The following CD79B variants were observed in gnomAD, a reference collection of about 807,000 sequenced individuals.
CD79B encodes B-cell antigen receptor complex-associated protein beta chain.
A neutral mutation model predicts 30.0 loss-of-function variants in CD79B; 7 were observed. The ratio of observed to expected loss-of-function variants is 0.23; its 90% CI spans 0.13 to 0.44. The LOEUF (loss-of-function observed/expected upper bound fraction) is 0.44. CD79B is among the 20% of genes least tolerant of loss of function. The pLI, the probability that CD79B is intolerant of heterozygous loss-of-function variation, is 1.00. For synonymous variants in CD79B, 118 were observed against 119.2 expected (o/e 0.99, Z 0.07); for missense variants, 218 against 299.1 (o/e 0.73, Z 2.00).
intron 2 of CD79B, chr17:63,931,071 A>G: frequency 1.9e-6 from 1 of 528,292 alleles, no homozygotes; most frequent in East Asian, 3.4e-5. Flanking sequence ...GTCCTAGAGG[A>G]ACCCCCAGGC....
At chr17:63,931,229 A>G in intron 2 of CD79B, 106 bp downstream of exon 2, 2 of 1,101,666 alleles carry the variant, frequency 1.8e-6, no homozygotes, top group Non-Finnish European at 2.8e-6. Context: ...TGGGGAGATC[A>G]GGCAAGGGTG....
rs772302337 is a variant in CD79B at position 63,929,759 on chromosome 17, C to T, written c.549+11G>A. On this transcript the variant is annotated intron_variant, in intron 4 of 5. Transcript: ENST00000006750. Reference sequence around the variant, plus strand: ...TGCGGTCCCCCAAGGCTTCCCCCGTCCCCTGATCACCTTGTCCAGCAGCAG... The same window carrying T: ...TGCGGTCCCCCAAGGCTTCCCCCGTTCCCTGATCACCTTGTCCAGCAGCAG... 1 of 1,587,238 alleles carries T rather than the reference C, an allele frequency of 6.3e-7. No homozygotes were observed. Among genetic ancestry groups the T allele is most frequent in the East Asian group, 2.2e-5 (1 of 44,802 alleles).
rs1430395843 is a variant in CD79B, at chr17:63,931,520, C to A, written c.68-135G>T. The A allele has an allele frequency of 1.5e-5, 12 of 786,866 alleles. No individual in the cohort carries two copies. In the Admixed American group the frequency reaches 2.5e-4, roughly 16 times the overall value. 48.7% of individuals were successfully genotyped at this position (786,866 alleles called of 1,614,324 possible). A position where few individuals can be genotyped will look rare whatever the true frequency, so the allele number is the denominator to read the frequency against. On this transcript the variant is annotated intron_variant, in intron 1 of 5. Coordinates refer to ENST00000006750, the MANE Select transcript of CD79B (RefSeq NM_000626.4). The stretch of plus-strand genomic sequence containing the variant: ...AGCAGCTTCAAGACCCCTCGGTCCT[C>A]CCTGCCCCCAGTACTTGGGAGACAG...
intron 2 of CD79B, chr17:63,930,825 C>T (rs1908078285): frequency 6.5e-6 from 2 of 308,614 alleles, no homozygotes; most frequent in Admixed American, 4.7e-5. Context: ...CCTAGTCTGT[C>T]AACTGAGACC....
intron 4 of CD79B, 22 bp from the exon 5 acceptor site, chr17:63,929,497 G>A (rs185145519): frequency 6.2e-7 from 1 of 1,613,436 alleles, no homozygotes; most frequent in African/African-American, 1.3e-5. Context: ...GAGGGATGGA[G>A]ATCAGAGTGT....
chr17:63,929,895 G>C lies in CD79B; in HGVS notation c.431-7C>G, dbSNP rs1433362184. The C allele has an allele frequency of 2.5e-6, 4 of 1,604,314 alleles. No individual in the cohort carries two copies. Among genetic ancestry groups the C allele is most frequent in the South Asian group, 1.1e-5 (1 of 90,914 alleles). On this transcript the variant is annotated splice_region_variant and splice_polypyrimidine_tract_variant and intron_variant, in intron 3 of 5. Coordinates refer to ENST00000006750, the MANE Select transcript of CD79B (RefSeq NM_000626.4). ...TGTGCCAAGGTGCTGAATCCTGCGG[G>C]GACAGGGGTGGGGTTGTGAGCCTGG...
rs945928843 is a variant in CD79B at position 63,928,870 on chromosome 17, C to T, written c.*356G>A. On this transcript the variant is annotated 3_prime_UTR_variant, in exon 6 of 6. Transcript: ENST00000006750. ...TTCTGGGGCCCAGTTGGGTCCATGG[C>T]CCTTCCCAAGCTCTGCTGGGAGGCC... 8 of 433,318 alleles carry T rather than the reference C, an allele frequency of 1.8e-5. No individual in the cohort carries two copies. The highest frequency in any genetic ancestry group is 3.6e-5 in the Admixed American group (1 of 27,942). The allele number at this position is 433,318 out of a possible 1,614,324, so 26.8% of individuals were successfully genotyped here. A position where few individuals can be genotyped will look rare whatever the true frequency, so the allele number is the denominator to read the frequency against.
In CD79B at chr17:63,928,831, T is replaced by A. The variant is rs913066931; in HGVS notation, c.*395A>T. On this transcript the variant is annotated 3_prime_UTR_variant, in exon 6 of 6. Coordinates refer to ENST00000006750, the MANE Select transcript of CD79B (RefSeq NM_000626.4). ...GGGAGTGGTTGCGGGAGAGGAATGA[T>A]GTTCCTGTGGCTCTTCTGGGGCCCA... is the stretch of plus-strand genomic sequence containing the variant. 9.9e-5 allele frequency: 38 copies of A among 383,786 alleles called. No individual in the cohort carries two copies. The Admixed American group carries it at 1.1e-3, about 11-fold the overall frequency. The allele number at this position is 383,786 out of a possible 1,614,324, so 23.8% of individuals were successfully genotyped here. A position where few individuals can be genotyped will look rare whatever the true frequency, so the allele number is the denominator to read the frequency against.
At chr17:63,931,006 T>TGGAGG (rs1013187076) in intron 2 of CD79B, 1 of 423,196 alleles carries the variant, frequency 2.4e-6, no homozygotes, top group African/African-American at 2.0e-5. Flanking sequence ...GACCCTGCAC[T>TGGAGG]GGAGGGCTCA....
At chr17:63,931,004 A>T (rs1282417158) in intron 2 of CD79B, 4 of 420,070 alleles carry the variant, frequency 9.5e-6, no homozygotes, top group African/African-American at 6.1e-5. Context: ...GTGACCCTGC[A>T]CTGGAGGGCT....
Position 63,929,174 on chromosome 17 carries a change from G to T in CD79B, c.*52C>A. On this transcript the variant is annotated 3_prime_UTR_variant, in exon 6 of 6. Coordinates refer to ENST00000006750, the MANE Select transcript of CD79B (RefSeq NM_000626.4). ...GGGCCATGAGCCAGGCAGCTCCGAAGCAGTCACTGAGGCCAGGGAGCCTGC... is the reference window on the plus strand; with the variant it reads ...GGGCCATGAGCCAGGCAGCTCCGAATCAGTCACTGAGGCCAGGGAGCCTGC... 8.1e-7 allele frequency: 1 copy of T among 1,229,132 alleles called. No homozygotes were observed. Among genetic ancestry groups the T allele is most frequent in the Non-Finnish European group, 1.2e-6 (1 of 829,656 alleles). 76.1% of individuals were successfully genotyped at this position (1,229,132 alleles called of 1,614,324 possible).
chr17:63,929,705 A>G, intron 4 of CD79B, 65 bp downstream of exon 4: 1 of 1,199,072 alleles, frequency 8.3e-7, no homozygotes, highest in South Asian at 1.2e-5. Context: ...GAGACCCTGC[A>G]TATGCCTGGC....
Position 63,932,315 on chromosome 17 carries a change from G to A in CD79B, c.-54C>T. ...CCGTGACAACGTCCGAGGCTCCTTG[G>A]AGGAAAACGTGTAACTGCACCGGCT... On this transcript the variant is annotated 5_prime_UTR_variant, in exon 1 of 6. Coordinates refer to ENST00000006750, the MANE Select transcript of CD79B (RefSeq NM_000626.4). 1 of 1,533,370 alleles carries A rather than the reference G, an allele frequency of 6.5e-7. No individual in the cohort carries two copies. The highest frequency in any genetic ancestry group is 1.7e-4 in the Middle Eastern group (1 of 5,810). 95.0% of individuals were successfully genotyped at this position (1,533,370 alleles called of 1,614,324 possible).
intron 1 of CD79B, chr17:63,931,747 T>C (rs1239672211): frequency 4.7e-4 from 162 of 346,780 alleles, no homozygotes; most frequent in Middle Eastern, 1.9e-3. Flanking sequence ...CTCTCTTTTT[T>C]TTTTTTTTTT....
At chr17:63,931,956 C>T in intron 1 of CD79B, 1 of 599,310 alleles carries the variant, frequency 1.7e-6, no homozygotes, top group South Asian at 1.8e-5. Context: ...GTTTGCTCCT[C>T]ATGCCCAGCT....
At position 63,929,436 on chromosome 17, in the gene CD79B, C is replaced by T. The variant is rs559091155; in HGVS notation, c.589G>A (p.Glu197Lys). ...GCTGGGCCTGCCCCTCTCCTTACCTCGTAGGTGTGATCTTCCTCCATGCCA... is the reference window on the plus strand; with the variant it reads ...GCTGGGCCTGCCCCTCTCCTTACCTTGTAGGTGTGATCTTCCTCCATGCCA... Reference protein sequence around the residue: ...KAGMEEDHTYEGLDIDQTATY... With the variant: ...KAGMEEDHTYKGLDIDQTATY... Residue 197 changes from glutamate (E) to lysine (K), a missense_variant and splice_region_variant, in exon 5 of 6, where the codon GAG (glutamate) becomes AAG (lysine). By Grantham distance (56) the Glu-to-Lys change is moderately conservative. Coordinates refer to ENST00000006750, the MANE Select transcript of CD79B (RefSeq NM_000626.4). 3 of 1,613,968 alleles carry T rather than the reference C, an allele frequency of 1.9e-6. No homozygotes were observed. The highest frequency in any genetic ancestry group is 4.5e-5 in the East Asian group (2 of 44,884).
rs1431554662 is a variant in CD79B at position 63,929,344 on chromosome 17, C to A, written c.592-20G>T. 6.2e-7 allele frequency: 1 copy of A among 1,612,178 alleles called. No homozygotes were observed. The highest frequency in any genetic ancestry group is 8.5e-7 in the Non-Finnish European group (1 of 1,178,332). ...CAGGCCCTGGAGACATTAAGTGGAA[C>A]TCAGGCCGGGACCACACCCCAACCA... On this transcript the variant is annotated intron_variant, in intron 5 of 5. Transcript: ENST00000006750.
In CD79B at chr17:63,930,138, A is replaced by G. The variant is rs2070776; in HGVS notation, c.366T>C (p.Cys122=). The G allele has an allele frequency of 0.63, 1,015,916 of 1,613,682 alleles. 323,233 individuals are homozygous for G. Among genetic ancestry groups the G allele is most frequent in the Middle Eastern group, 0.7 (4,218 of 6,060 alleles). The change falls in exon 3 of 6, where the codon TGT becomes TGC. Residue 122 remains cysteine (C), a synonymous_variant. Coordinates refer to ENST00000006750, the MANE Select transcript of CD79B (RefSeq NM_000626.4). ...IRFEDNGIYF[C]QQKCNNTSEV... The stretch of plus-strand genomic sequence containing the variant: ...CCGAGGTGTTGTTGCACTTCTGCTG[A>G]CAGAAGTAGATGCCATTGTCCTCAA...
Position 63,929,877 on chromosome 17 carries a change from A to T in CD79B, c.442T>A (p.Leu148Met). The T allele has an allele frequency of 1.9e-6, 3 of 1,612,672 alleles. No homozygotes were observed. The highest frequency in any genetic ancestry group is 2.5e-6 in the Non-Finnish European group (3 of 1,178,840). The change falls in exon 4 of 6, where the codon TTG becomes ATG. Residue 148 changes from leucine to methionine, a missense_variant. Physicochemically the swap from Leu to Met is conservative, Grantham distance 15. Transcript: ENST00000006750. ...GTGTTCCTCTGCTTCAGCTGTGCCA[A>T]GGTGCTGAATCCTGCGGGGACAGGG... is the stretch of plus-strand genomic sequence containing the variant. ...TELRVMGFST[L>M]AQLKQRNTLK...
Sources: gnomAD v4.1 joint callset for allele counts on GRCh38, gnomAD v4.1.1 for gene constraint, MANE v1.5 for transcripts, NCBI Gene and HGNC (gene_info 2026-07-23, HGNC 2026-07-21) for gene names.